TTC33: variants seen among roughly 807,000 people sequenced by gnomAD.
TTC33 encodes tetratricopeptide repeat domain 33.
In TTC33, 24 loss-of-function variants were observed where a neutral mutation model predicts 29.4. The observed-to-expected ratio is 0.82, with a 90% CI of 0.59 to 1.15. The LOEUF is 1.15. TTC33 is among the 50% of genes most tolerant of loss of function. The probability of loss-of-function intolerance (pLI) is 0.00; values close to 1 mark genes in which losing one functional copy is unlikely to be tolerated. For synonymous variants in TTC33, 107 were observed against 100.3 expected (o/e 1.07, Z -0.40); for missense variants, 286 against 310.4 (o/e 0.92, Z 0.59).
chr5:40,749,336 C>T (rs928311638), intron 1 of TTC33, among the ~76,000 whole-genome samples: 1 of 152,096 alleles, frequency 6.6e-6, no homozygotes, highest in East Asian at 1.9e-4. Context: ...GTACAAAATT[C>T]TTTATATCTG....
chr5:40,731,137 T>G (rs1173207591), intron 2 of TTC33, among the ~76,000 whole-genome samples: 1 of 152,210 alleles, frequency 6.6e-6, no homozygotes, highest in Non-Finnish European at 1.5e-5. Flanking sequence ...GATGTATTCC[T>G]TCATAACAAT....
At chr5:40,727,006 T>A (rs1742303596) in intron 4 of TTC33, among the ~76,000 whole-genome samples, 1 of 152,192 alleles carries the variant, frequency 6.6e-6, no homozygotes, top group African/African-American at 2.4e-5. Flanking sequence ...ATGGTTTCTA[T>A]CACTGTGAAT....
rs1017784523 is a variant in TTC33, at chr5:40,712,845, G to C, written c.*3300C>G. ...CCGCCGCTGCCTTCTGACCAAAGTA[G>C]TTCATATATAGTGCACATTAGGGCA... On this transcript the variant is annotated 3_prime_UTR_variant, in exon 5 of 5. Transcript: ENST00000337702. Among the ~76,000 whole-genome samples the C allele has an allele frequency of 5.3e-5, 8 of 152,104 alleles. No homozygotes were observed. The highest frequency in any genetic ancestry group is 2.0e-4 in the Admixed American group (3 of 15,254).
At chr5:40,727,892 GTTTA>G (rs1273848906) in intron 4 of TTC33, among the ~76,000 whole-genome samples, 2 of 152,094 alleles carry the variant, frequency 1.3e-5, no homozygotes, top group African/African-American at 4.8e-5. Context: ...TGTGAACTGT[GTTTA>G]TGGATTAATA....
chr5:40,716,260 A>ACTGT lies in TTC33; in HGVS notation c.670_673dup (p.Val225AspfsTer6). 6.2e-7 allele frequency: 1 copy of ACTGT among 1,614,220 alleles called. No individual in the cohort carries two copies. Among genetic ancestry groups the ACTGT allele is most frequent in the Non-Finnish European group, 8.5e-7 (1 of 1,180,048 alleles). On this transcript the variant is annotated frameshift_variant, in exon 5 of 5. Coordinates refer to ENST00000337702, the MANE Select transcript of TTC33 (RefSeq NM_012382.3). LOFTEE classifies it high-confidence loss of function. The stretch of plus-strand genomic sequence containing the variant: ...AATAACCATTGTTTTATTTGCTGAA[A>ACTGT]CTGTCTTCTCTTTCTCAGCAATAGC...
At chr5:40,748,344 G>A (rs1579692769) in intron 1 of TTC33, among the ~76,000 whole-genome samples, 2 of 152,234 alleles carry the variant, frequency 1.3e-5, no homozygotes, top group East Asian at 3.9e-4. Context: ...TTACAGGCAT[G>A]CGTCACAATG....
chr5:40,749,057 C>T (rs1258410542), intron 1 of TTC33, among the ~76,000 whole-genome samples: 1 of 151,986 alleles, frequency 6.6e-6, no homozygotes, highest in African/African-American at 2.4e-5. Context: ...ACCCGGGAGG[C>T]GGAGGTTGCA....
chr5:40,727,226 G>T (rs1281603304), intron 4 of TTC33, among the ~76,000 whole-genome samples: 2 of 152,086 alleles, frequency 1.3e-5, no homozygotes, highest in Non-Finnish European at 2.9e-5. Flanking sequence ...AGTAATTTTA[G>T]TCTTGCAAGA....
At chr5:40,731,224 C>T (rs939276636) in intron 2 of TTC33, among the ~76,000 whole-genome samples, 5 of 152,152 alleles carry the variant, frequency 3.3e-5, no homozygotes, top group Non-Finnish European at 7.4e-5. Context: ...TGTCTTTCCT[C>T]CAGCATTAGA....
chr5:40,745,589 G>A (rs1742775225), intron 2 of TTC33, among the ~76,000 whole-genome samples: 1 of 151,680 alleles, frequency 6.6e-6, no homozygotes, highest in Admixed American at 6.6e-5. Context: ...CAATAGCAGA[G>A]TCACACCTCA....
chr5:40,735,776 G>A (rs1158227686), intron 2 of TTC33, among the ~76,000 whole-genome samples: 4 of 152,124 alleles, frequency 2.6e-5, no homozygotes, highest in African/African-American at 9.7e-5. Context: ...GGAAGACTGT[G>A]GTCACCTGTG....
chr5:40,748,829 G>A (rs1006504474), intron 1 of TTC33, among the ~76,000 whole-genome samples: 3 of 152,120 alleles, frequency 2.0e-5, no homozygotes, highest in African/African-American at 7.2e-5. Context: ...AAATTATTGG[G>A]TAAATTTTAA....
intron 4 of TTC33, among the ~76,000 whole-genome samples, chr5:40,723,061 A>G (rs1742186546): frequency 6.6e-6 from 1 of 152,208 alleles, no homozygotes; most frequent in Non-Finnish European, 1.5e-5. Context: ...AGAAGTAGAC[A>G]TGGGAGACTC....
chr5:40,721,664 G>A (rs886382475), intron 4 of TTC33, among the ~76,000 whole-genome samples: 18 of 151,514 alleles, frequency 1.2e-4, no homozygotes, highest in African/African-American at 1.9e-4. Flanking sequence ...GGAGTCTTAT[G>A]ACTCCTACAA....
In TTC33 at chr5:40,715,326, T is replaced by C. The variant is rs1449729390; in HGVS notation, c.*819A>G. ...AAAATAAAGAAAAGAAAGTATTGGT[T>C]TTGACTGGGATAATATAGCAGTACA... On this transcript the variant is annotated 3_prime_UTR_variant, in exon 5 of 5. Coordinates refer to ENST00000337702, the MANE Select transcript of TTC33 (RefSeq NM_012382.3). The C allele has an allele frequency of 6.6e-6, 1 of 152,234 alleles. No individual in the cohort carries two copies. Among genetic ancestry groups the C allele is most frequent in the Non-Finnish European group, 1.5e-5 (1 of 67,980 alleles). The allele number at this position is 152,234 out of a possible 1,614,324, so 9.4% of individuals were successfully genotyped here. A position where few individuals can be genotyped will look rare whatever the true frequency, so the allele number is the denominator to read the frequency against.
chr5:40,728,711 C>T (rs1742355113), intron 3 of TTC33, among the ~76,000 whole-genome samples: 1 of 152,106 alleles, frequency 6.6e-6, no homozygotes, highest in African/African-American at 2.4e-5. Flanking sequence ...TTATGTCCAT[C>T]TGGTCAAAAC....
At chr5:40,724,915 C>T (rs1343334846) in intron 4 of TTC33, among the ~76,000 whole-genome samples, 4 of 147,282 alleles carry the variant, frequency 2.7e-5, no homozygotes, top group African/African-American at 5.0e-5. Flanking sequence ...TGCAGTGGTG[C>T]GATCTCAGCT....
chr5:40,737,736 C>T (rs369349213), intron 2 of TTC33, among the ~76,000 whole-genome samples: 3 of 152,158 alleles, frequency 2.0e-5, no homozygotes, highest in Admixed American at 6.5e-5. Context: ...GCCCCTTTCT[C>T]GGGAAATCTA....
intron 2 of TTC33, among the ~76,000 whole-genome samples, chr5:40,737,034 G>A (rs1742567933): frequency 6.6e-6 from 1 of 152,134 alleles, no homozygotes; most frequent in African/African-American, 2.4e-5. Context: ...GGTGGCTCAG[G>A]CCTGTAATCC....
Sources: gnomAD v4.1 joint callset for allele counts (sites outside exome capture counted in the v4.1 genomes callset) on GRCh38, gnomAD v4.1.1 for gene constraint, MANE v1.5 for transcripts, NCBI Gene and HGNC (gene_info 2026-07-23, HGNC 2026-07-21) for gene names.